Variants in GLS observed in about 807,000 individuals in gnomAD.
GLS encodes glutaminase kidney isoform, mitochondrial.
A neutral mutation model predicts 86.7 loss-of-function variants in GLS; 36 were observed. The observed-to-expected ratio is 0.42, with a 90% confidence interval of 0.32 to 0.55. The LOEUF (loss-of-function observed/expected upper bound fraction) is 0.55, where lower values mean the gene tolerates loss of function less well. Ranked by LOEUF, GLS falls within the 20% of genes least tolerant of loss-of-function variation. The probability of loss-of-function intolerance (pLI) is 0.17; values close to 1 mark genes in which losing one functional copy is unlikely to be tolerated. For synonymous variants in GLS, 317 were observed against 305.9 expected (o/e 1.04, Z -0.38); for missense variants, 528 against 833.4 (o/e 0.63, Z 4.51).
intron 14 of GLS, among the ~76,000 whole-genome samples, chr2:190,944,745 G>A (rs944432315): frequency 2.6e-5 from 4 of 151,850 alleles, no homozygotes; most frequent in Non-Finnish European, 5.9e-5. Context: ...TGCCAGTAGC[G>A]TAACAGTCAT....
Position 190,955,973 on chromosome 2 carries a change from T to G in GLS, c.1853+1155T>G, listed in dbSNP as rs72498844. ...CTTCACCCACTTTTTGATGGGGTTTTTTTGTTGTTGTAAATTTGCTTAACT... is the reference window on the plus strand; with the variant it reads ...CTTCACCCACTTTTTGATGGGGTTTGTTTGTTGTTGTAAATTTGCTTAACT... On this transcript the variant is annotated intron_variant, in intron 17 of 17. Coordinates refer to ENST00000320717, the MANE Select transcript of GLS (RefSeq NM_014905.5). This position sits in a 1 kb window ranked among gnomAD's most constrained non-coding sequence, Gnocchi z 5.6. Among the ~76,000 whole-genome samples, 876 of 152,322 alleles carry G rather than the reference T, an allele frequency of 5.8e-3. 22 individuals carry two copies. The highest frequency in any genetic ancestry group is 0.053 in the East Asian group (275 of 5,182).
rs1041364264 is a variant in GLS, at chr2:190,938,562, C to G, written c.1650+6925C>G. ...AAGTAATCTTAAATGTTACCTGGTA[C>G]AGACTCCCACCCCACTCAGCCCCCT... On this transcript the variant is annotated intron_variant, in intron 14 of 17. Coordinates refer to ENST00000320717, the MANE Select transcript of GLS (RefSeq NM_014905.5). The surrounding 1 kb of genome is among the most constrained non-coding windows in gnomAD (Gnocchi z 4.1). Among the ~76,000 whole-genome samples, 1 of 151,618 alleles carries G rather than the reference C, an allele frequency of 6.6e-6. No individual in the cohort carries two copies. Among genetic ancestry groups the G allele is most frequent in the African/African-American group, 2.4e-5 (1 of 41,412 alleles).
At chr2:190,884,006 A>G (rs552154884) in intron 1 of GLS, among the ~76,000 whole-genome samples, 1 of 152,218 alleles carries the variant, frequency 6.6e-6, no homozygotes, top group Admixed American at 6.5e-5. Flanking sequence ...GAACGTCTTA[A>G]TATCACATAG....
At position 190,880,935 on chromosome 2, in the gene GLS, G is replaced by C. The variant is rs1365739582; in HGVS notation, c.-150G>C. On this transcript the variant is annotated 5_prime_UTR_variant, in exon 1 of 18. Coordinates refer to ENST00000320717, the MANE Select transcript of GLS (RefSeq NM_014905.5). Reference sequence around the variant, plus strand: ...CAGCAGCAGCACCCGCATCCGCTGCGGGAGTCCGAGCCGGAACCACACCCA... The same window carrying C: ...CAGCAGCAGCACCCGCATCCGCTGCCGGAGTCCGAGCCGGAACCACACCCA... 1 of 959,514 alleles carries C rather than the reference G, an allele frequency of 1.0e-6. No individual in the cohort carries two copies. 59.4% of individuals were successfully genotyped at this position (959,514 alleles called of 1,614,324 possible).
rs1691063278 is a variant in GLS, at chr2:190,963,948, T to G, written c.*962T>G. 6.6e-6 allele frequency: 1 copy of G among 152,088 alleles called. No individual in the cohort carries two copies. The highest frequency in any genetic ancestry group is 2.4e-5 in the African/African-American group (1 of 41,420). 9.4% of individuals were successfully genotyped at this position (152,088 alleles called of 1,614,324 possible). A position where few individuals can be genotyped will look rare whatever the true frequency, so the allele number is the denominator to read the frequency against. On this transcript the variant is annotated 3_prime_UTR_variant, in exon 18 of 18. Coordinates refer to ENST00000320717, the MANE Select transcript of GLS (RefSeq NM_014905.5). ...AGGGTAAAGATAAATTCAGAAATGC[T>G]CTAAGCTACCAAAGTTATTCTGAAA...
chr2:190,901,932 CA>C lies in GLS; in HGVS notation c.736-13del. The C allele has an allele frequency of 6.6e-7, 1 of 1,511,670 alleles. No individual in the cohort carries two copies. The highest frequency in any genetic ancestry group is 9.2e-7 in the Non-Finnish European group (1 of 1,087,106). 93.6% of individuals were successfully genotyped at this position (1,511,670 alleles called of 1,614,324 possible). A position where few individuals can be genotyped will look rare whatever the true frequency, so the allele number is the denominator to read the frequency against. ...AATATTATATCTATTCATTTCTTTC[CA>C]ATCTTTTGGATAGGTTGCAGATTAT... On this transcript the variant is annotated splice_polypyrimidine_tract_variant and intron_variant, in intron 4 of 17. Transcript: ENST00000320717.
intron 1 of GLS, among the ~76,000 whole-genome samples, chr2:190,885,071 G>T (rs867974047): frequency 6.6e-6 from 1 of 152,160 alleles, no homozygotes; most frequent in African/African-American, 2.4e-5. Flanking sequence ...AAAAATGCAA[G>T]CAAAAATGAT....
chr2:190,919,783 A>G (rs1208834020), intron 7 of GLS: 4 of 376,154 alleles, frequency 1.1e-5, no homozygotes, highest in Middle Eastern at 1.3e-3. Context: ...GTCAAAGGAT[A>G]CTTTAGAGAA....
intron 6 of GLS, among the ~76,000 whole-genome samples, chr2:190,907,023 G>A (rs904878916): frequency 2.0e-5 from 3 of 148,148 alleles, no homozygotes; most frequent in South Asian, 2.3e-4. Context: ...TCTGCCCCCC[G>A]GGTTCACGCC....
Position 190,931,535 on chromosome 2 carries a change from C to T in GLS, c.1558-10C>T, listed in dbSNP as rs1690105993. Reference sequence around the variant, plus strand: ...AATTTCTTATACCTGCTCTGTATAACTGTTTACAGGATCTTGTTTCTCTGT... The same window carrying T: ...AATTTCTTATACCTGCTCTGTATAATTGTTTACAGGATCTTGTTTCTCTGT... On this transcript the variant is annotated splice_polypyrimidine_tract_variant and intron_variant, in intron 13 of 17. Coordinates refer to ENST00000320717, the MANE Select transcript of GLS (RefSeq NM_014905.5). 7.4e-7 allele frequency: 1 copy of T among 1,351,240 alleles called. No homozygotes were observed. The highest frequency in any genetic ancestry group is 1.2e-5 in the South Asian group (1 of 81,584). 83.7% of individuals were successfully genotyped at this position (1,351,240 alleles called of 1,614,324 possible).
At chr2:190,894,471 A>C (rs1217899856) in intron 1 of GLS, among the ~76,000 whole-genome samples, 1 of 152,150 alleles carries the variant, frequency 6.6e-6, no homozygotes, top group African/African-American at 2.4e-5. Context: ...CTGTCAGTGG[A>C]GTCTTACTCT....
intron 1 of GLS, among the ~76,000 whole-genome samples, chr2:190,885,409 T>C (rs1199388879): frequency 6.6e-6 from 1 of 152,154 alleles, no homozygotes; most frequent in African/African-American, 2.4e-5. Flanking sequence ...GGGCTGGTCT[T>C]GAACTCCTGA....
intron 14 of GLS, among the ~76,000 whole-genome samples, chr2:190,931,957 TAAAA>T (rs953360734): frequency 1.3e-5 from 2 of 151,954 alleles, no homozygotes; most frequent in Non-Finnish European, 2.9e-5. Flanking sequence ...TTGATTCTGT[TAAAA>T]AAAGAACAAA....
chr2:190,905,607 G>T lies in GLS; in HGVS notation c.979+440G>T, dbSNP rs1418134748. 8.6e-5 allele frequency among the ~76,000 whole-genome samples: 13 copies of T among 151,946 alleles called. No homozygotes were observed. Among genetic ancestry groups the T allele is most frequent in the Admixed American group, 8.5e-4 (13 of 15,254 alleles). ...TTGTGGCCCTGGTTGAGATAGTGAG[G>T]ATTATTATTTTTCAGTGAGTGTTTT... On this transcript the variant is annotated intron_variant, in intron 6 of 17. Transcript: ENST00000320717. This position sits in a 1 kb window ranked among gnomAD's most constrained non-coding sequence, Gnocchi z 4.6.
chr2:190,900,555 AT>A lies in GLS; in HGVS notation c.606-7del. The A allele has an allele frequency of 6.6e-7, 1 of 1,522,342 alleles. No individual in the cohort carries two copies. The highest frequency in any genetic ancestry group is 8.9e-7 in the Non-Finnish European group (1 of 1,118,102). 94.3% of individuals were successfully genotyped at this position (1,522,342 alleles called of 1,614,324 possible). On this transcript the variant is annotated splice_region_variant and splice_polypyrimidine_tract_variant and intron_variant, in intron 3 of 17. Transcript: ENST00000320717. ...CCCAGTTTATTAATTATCTTTTTAC[AT>A]TCTACAGATGTGTTCAGAGCAACAT...
Position 190,924,088 on chromosome 2 carries a change from C to G in GLS, c.1197+105C>G. ...ATAGCCTTTAAGCAACTACCTATTA[C>G]TATTTAAGGTGCAGAAGTTTTTGCA... On this transcript the variant is annotated intron_variant, in intron 10 of 17. Transcript: ENST00000320717. This position sits in a 1 kb window ranked among gnomAD's most constrained non-coding sequence, Gnocchi z 5.2. The G allele has an allele frequency of 1.5e-6, 1 of 660,200 alleles. No individual in the cohort carries two copies. The highest frequency in any genetic ancestry group is 2.7e-6 in the Non-Finnish European group (1 of 375,808). The allele number at this position is 660,200 out of a possible 1,614,324, so 40.9% of individuals were successfully genotyped here. A position where few individuals can be genotyped will look rare whatever the true frequency, so the allele number is the denominator to read the frequency against.
At chr2:190,893,698 G>T (rs1688638251) in intron 1 of GLS, among the ~76,000 whole-genome samples, 1 of 152,082 alleles carries the variant, frequency 6.6e-6, no homozygotes, top group Non-Finnish European at 1.5e-5. Flanking sequence ...CTATTCTCCT[G>T]CCTCAGCCTC....
chr2:190,942,560 A>G (rs1299673772), intron 14 of GLS, among the ~76,000 whole-genome samples: 1 of 152,206 alleles, frequency 6.6e-6, no homozygotes, highest in Non-Finnish European at 1.5e-5. Context: ...GATTGGCAGC[A>G]CTTGGTGATC....
rs531016794 is a variant in GLS, at chr2:190,961,576, A to C, written c.1854-1254A>C. Among the ~76,000 whole-genome samples the C allele has an allele frequency of 2.0e-4, 30 of 152,044 alleles. 1 individual carries two copies. Among genetic ancestry groups the C allele is most frequent in the South Asian group, 6.2e-4 (3 of 4,824 alleles). ...AAAGGTAACACGCAGTTGACATTCC[A>C]TTTTTCCAGAAAGACAGATAATTAC... On this transcript the variant is annotated intron_variant, in intron 17 of 17. Transcript: ENST00000320717.
Sources: gnomAD v4.1 joint callset for allele counts (sites outside exome capture counted in the v4.1 genomes callset) on GRCh38, gnomAD v4.1.1 for gene constraint, Gnocchi (gnomAD v3.1) non-coding constraint, MANE v1.5 for transcripts, NCBI Gene and HGNC (gene_info 2026-07-23, HGNC 2026-07-21) for gene names.